The following SAXO1 variants were observed in gnomAD, a reference collection of about 807,000 sequenced individuals.
SAXO1 encodes the protein stabilizer of axonemal microtubules 1, also known as 4930500O09Rik.
SAXO1 carries 21 observed loss-of-function variants against 17.5 expected under a neutral mutation model. The ratio of observed to expected loss-of-function variants is 1.20; its 90% CI spans 0.85 to 1.72. SAXO1 has a LOEUF of 1.72. SAXO1 is among the 40% of genes most tolerant of loss of function. The pLI is 0.00. For synonymous variants in SAXO1, 274 were observed against 216.5 expected (o/e 1.27, Z -2.33); for missense variants, 843 against 596.0 (o/e 1.41, Z -4.32).
intron 1 of SAXO1, among the ~76,000 whole-genome samples, chr9:18,991,559 C>G (rs1014474370): frequency 1.3e-5 from 2 of 151,946 alleles, no homozygotes; most frequent in African/African-American, 4.8e-5. Context: ...CACCCTGGGG[C>G]TTGTCGCGGA....
chr9:19,012,507 G>A (rs1478847857), intron 1 of SAXO1, among the ~76,000 whole-genome samples: 2 of 152,224 alleles, frequency 1.3e-5, no homozygotes, highest in African/African-American at 2.4e-5. Flanking sequence ...ATATGTCAAT[G>A]TGGCACGAAC....
chr9:19,029,276 G>A (rs905770975), intron 1 of SAXO1, among the ~76,000 whole-genome samples: 10 of 152,090 alleles, frequency 6.6e-5, no homozygotes, highest in Non-Finnish European at 1.5e-5. Context: ...AGAGAAGGGG[G>A]AATAAATGTG....
chr9:19,014,150 A>G (rs1481403823), intron 1 of SAXO1, among the ~76,000 whole-genome samples: 1 of 152,064 alleles, frequency 6.6e-6, no homozygotes, highest in Non-Finnish European at 1.5e-5. Context: ...TCAATGGAGA[A>G]CTATCAAAGG....
rs1350066921 is a variant in SAXO1, at chr9:19,024,979, GC to G, written c.38+7891del. Among the ~76,000 whole-genome samples the G allele has an allele frequency of 4.6e-5, 7 of 152,292 alleles. No individual in the cohort carries two copies. The South Asian group carries it at 6.2e-4, about 14-fold the overall frequency. Reference sequence around the variant, plus strand: ...TAAGGTCGAATAGATCATGTTTACTGCTGTAATTGGAATATGAAGTTGTACT... The same window carrying G: ...TAAGGTCGAATAGATCATGTTTACTGTGTAATTGGAATATGAAGTTGTACT... On this transcript the variant is annotated intron_variant, in intron 1 of 3. Coordinates refer to ENST00000380534, the MANE Select transcript of SAXO1 (RefSeq NM_153707.4).
At chr9:18,959,464 C>T (rs1047933527) in intron 1 of SAXO1, among the ~76,000 whole-genome samples, 26 of 152,080 alleles carry the variant, frequency 1.7e-4, no homozygotes, top group Admixed American at 1.4e-3. Flanking sequence ...AGAGAGTGCA[C>T]GAGGCAGGAC....
At chr9:19,045,273 G>A (rs1836182178) in intron 1 of SAXO1, among the ~76,000 whole-genome samples, 1 of 129,990 alleles carries the variant, frequency 7.7e-6, no homozygotes, top group South Asian at 2.6e-4. Flanking sequence ...TTGCGCCACT[G>A]CAGTCCGCAG....
At chr9:19,024,012 CTTTTTTTTTTTTTTTTT>C (rs71333077) in intron 1 of SAXO1, among the ~76,000 whole-genome samples, 1 of 38,116 alleles carries the variant, frequency 2.6e-5, no homozygotes, top group Non-Finnish European at 4.6e-5. Context: ...CTCTTTAAGG[CTTTTTTTTTTTTTTTTT>C]TTTTTTTTTT....
chr9:18,984,201 G>A (rs1281757395), intron 1 of SAXO1, among the ~76,000 whole-genome samples: 1 of 152,184 alleles, frequency 6.6e-6, no homozygotes, highest in Non-Finnish European at 1.5e-5. Context: ...AGGCTTTACT[G>A]TTCCATTTAT....
At chr9:18,993,801 C>T (rs1020384508) in intron 1 of SAXO1, among the ~76,000 whole-genome samples, 12 of 152,140 alleles carry the variant, frequency 7.9e-5, no homozygotes, top group Non-Finnish European at 1.8e-4. Context: ...TCCTTAAAGT[C>T]ACCCTATGCC....
In SAXO1 at chr9:18,941,847, G is replaced by A. The variant is rs544251745; in HGVS notation, c.219-8C>T. On this transcript the variant is annotated splice_region_variant and splice_polypyrimidine_tract_variant and intron_variant, in intron 2 of 3. Transcript: ENST00000380534. ...TGAGGCCCAAAATCTCTCCTGTAAG[G>A]AAGCAAGTGCATGCTGTTGGGGTCC... The A allele has an allele frequency of 2.5e-6, 4 of 1,614,086 alleles. No homozygotes were observed. In the Admixed American group the frequency reaches 6.7e-5, roughly 27 times the overall value.
chr9:19,048,665 T>C (rs192345149), intron 1 of SAXO1, among the ~76,000 whole-genome samples: 2 of 152,354 alleles, frequency 1.3e-5, no homozygotes, highest in East Asian at 1.9e-4. Flanking sequence ...CCAAATTCCA[T>C]TTCATCATTT....
At chr9:19,038,911 ACTT>A (rs1262174274) in intron 1 of SAXO1, among the ~76,000 whole-genome samples, 1 of 152,122 alleles carries the variant, frequency 6.6e-6, no homozygotes, top group Non-Finnish European at 1.5e-5. Flanking sequence ...ATTTTCATTT[ACTT>A]CTTAATATGG....
Position 18,928,376 on chromosome 9 carries a change from G to A in SAXO1, c.1101C>T (p.Pro367=), listed in dbSNP as rs761923949. Reference sequence around the variant, plus strand: ...CCCGAGTGGTGGTCAGGCAGTCCAGGGGCTCGGTGGGCAAGTCCAGCTGGG... The same window carrying A: ...CCCGAGTGGTGGTCAGGCAGTCCAGAGGCTCGGTGGGCAAGTCCAGCTGGG... The part of the protein sequence containing the change: ...PVPQLDLPTE[P]LDCLTTTRAH... Residue 367 remains proline (P), a synonymous_variant, in exon 4 of 4, where the codon CCC becomes CCT. Coordinates refer to ENST00000380534, the MANE Select transcript of SAXO1 (RefSeq NM_153707.4). 1.8e-5 allele frequency: 29 copies of A among 1,612,382 alleles called. No individual in the cohort carries two copies. The highest frequency in any genetic ancestry group is 1.7e-5 in the Non-Finnish European group (20 of 1,179,308).
chr9:19,023,749 A>T (rs1235069111), intron 1 of SAXO1, among the ~76,000 whole-genome samples: 1 of 152,132 alleles, frequency 6.6e-6, no homozygotes, highest in Non-Finnish European at 1.5e-5. Flanking sequence ...AGTCAGCCTA[A>T]TTCAGATATT....
intron 1 of SAXO1, among the ~76,000 whole-genome samples, chr9:18,960,224 C>A (rs781588244): frequency 1.3e-5 from 2 of 152,176 alleles, no homozygotes; most frequent in East Asian, 3.9e-4. Context: ...ATCCCTGGGA[C>A]GCGTGGGGTA....
In SAXO1 at chr9:18,928,688, C is replaced by G; in HGVS notation, c.789G>C (p.Gly263=). The change falls in exon 4 of 4, where the codon GGG becomes GGC. Residue 263 remains glycine (G), a synonymous_variant. Transcript: ENST00000380534. ...KSLKPLARPP[G]LDMPFCNTTE... is the part of the protein sequence containing the mutation. The stretch of plus-strand genomic sequence containing the variant: ...TGGTGTTACAGAAAGGCATGTCTAG[C>G]CCAGGAGGCCTGGCTAGAGGTTTCA... 1.2e-6 allele frequency: 2 copies of G among 1,614,084 alleles called. No individual in the cohort carries two copies. The highest frequency in any genetic ancestry group is 1.7e-6 in the Non-Finnish European group (2 of 1,180,012).
chr9:18,934,530 C>T (rs1831204308), intron 3 of SAXO1, among the ~76,000 whole-genome samples: 1 of 152,176 alleles, frequency 6.6e-6, no homozygotes, highest in Admixed American at 6.5e-5. Flanking sequence ...TTTCCTGTTA[C>T]TGATACTCTC....
intron 1 of SAXO1, among the ~76,000 whole-genome samples, chr9:18,963,623 G>A (rs1420585047): frequency 6.6e-6 from 1 of 152,148 alleles, no homozygotes; most frequent in African/African-American, 2.4e-5. Flanking sequence ...AAATGCTTGT[G>A]GGTTTTGCAC....
In SAXO1 at chr9:18,950,738, T is replaced by G; in HGVS notation, c.218+20A>C. 6.2e-7 allele frequency: 1 copy of G among 1,604,636 alleles called. No individual in the cohort carries two copies. Among genetic ancestry groups the G allele is most frequent in the South Asian group, 1.1e-5 (1 of 90,460 alleles). On this transcript the variant is annotated intron_variant, in intron 2 of 3. Transcript: ENST00000380534. ...TTAGTGTTGTATGTACCTGCATACA[T>G]TAATACTGTTTGCCCTCACCTTGAT...
Sources: gnomAD v4.1 joint callset for allele counts (sites outside exome capture counted in the v4.1 genomes callset) on GRCh38, gnomAD v4.1.1 for gene constraint, MANE v1.5 for transcripts, NCBI Gene and HGNC (gene_info 2026-07-23, HGNC 2026-07-21) for gene names.